Variants in MAP3K4 observed in about 807,000 individuals in gnomAD.
MAP3K4 encodes the protein mitogen-activated protein kinase kinase kinase 4.
Under a neutral mutation model 185.6 loss-of-function variants are expected in MAP3K4, and 67 were observed. That is an observed-to-expected ratio of 0.36 (90% confidence interval 0.30 to 0.44). The LOEUF is 0.44. MAP3K4 is among the 20% of genes least tolerant of loss of function. MAP3K4 has a pLI of 1.00. For synonymous variants in MAP3K4, 702 were observed against 710.4 expected, an observed-to-expected ratio of 0.99 and a Z score of 0.19; for missense variants, 1,551 against 1,995.1, an observed-to-expected ratio of 0.78 and a Z score of 4.24.
At position 161,102,722 on chromosome 6, in the gene MAP3K4, T is replaced by A; in HGVS notation, c.3799T>A (p.Ser1267Thr). The change falls in exon 19 of 27, where the codon TCA becomes ACA. Residue 1267 changes from serine (S) to threonine (T), a missense_variant. This residue lies in a region of MAP3K4 where 272 missense variants were observed against 301.2 expected (regional missense o/e 0.90). Transcript: ENST00000392142. ...RDEPAYPRGD[S>T]SGSTRRSWEL... The stretch of plus-strand genomic sequence containing the variant: ...AGAACCAGCATATCCAAGAGGAGAT[T>A]CAAGTGGGTCCACAAGAAGAAGTTG... 1 of 1,596,800 alleles carries A rather than the reference T, an allele frequency of 6.3e-7. No individual in the cohort carries two copies. Among genetic ancestry groups the A allele is most frequent in the Non-Finnish European group, 8.5e-7 (1 of 1,174,912 alleles).
At chr6:161,012,589 A>G (rs1025303456) in intron 1 of MAP3K4, among the ~76,000 whole-genome samples, 2 of 152,208 alleles carry the variant, frequency 1.3e-5, no homozygotes, top group African/African-American at 4.8e-5. Flanking sequence ...CTTATAAAAT[A>G]CATATGCATT....
rs78865071 is a variant in MAP3K4, at chr6:161,042,173, C to T, written c.344-6443C>T. 3.2e-3 allele frequency among the ~76,000 whole-genome samples: 489 copies of T among 152,100 alleles called. 4 individuals are homozygous for T. The highest frequency in any genetic ancestry group is 0.011 in the African/African-American group (469 of 41,496). On this transcript the variant is annotated intron_variant, in intron 2 of 26. Transcript: ENST00000392142. Reference sequence around the variant, plus strand: ...GGACTTGAATTATATCTACACAGTCCCTTCTTAGCAGCAGGATGTTAGTGT... The same window carrying T: ...GGACTTGAATTATATCTACACAGTCTCTTCTTAGCAGCAGGATGTTAGTGT...
In MAP3K4 at chr6:161,063,241, A is replaced by T. The variant is rs1399855027; in HGVS notation, c.1708-7367A>T. On this transcript the variant is annotated intron_variant, in intron 3 of 26. Coordinates refer to ENST00000392142, the MANE Select transcript of MAP3K4 (RefSeq NM_005922.4). This position sits in a 1 kb window ranked among gnomAD's most constrained non-coding sequence, Gnocchi z 5.4. ...ATTCTAATTTTTGTCATTATTTTAT[A>T]TTTTTTATGATTTTCTTAATTTCTT... is the stretch of plus-strand genomic sequence containing the variant. 2.0e-5 allele frequency among the ~76,000 whole-genome samples: 3 copies of T among 151,790 alleles called. No individual in the cohort carries two copies. The highest frequency in any genetic ancestry group is 1.3e-4 in the Admixed American group (2 of 15,262).
intron 1 of MAP3K4, among the ~76,000 whole-genome samples, chr6:161,025,405 A>G (rs1782598227): frequency 6.6e-6 from 1 of 151,824 alleles, no homozygotes; most frequent in Admixed American, 6.6e-5. Flanking sequence ...TGCCTTCCCT[A>G]CTCTAGTGTC....
chr6:161,053,413 C>T lies in MAP3K4; in HGVS notation c.1707+3434C>T, dbSNP rs1480122630. 6.6e-6 allele frequency among the ~76,000 whole-genome samples: 1 copy of T among 152,190 alleles called. No individual in the cohort carries two copies. Among genetic ancestry groups the T allele is most frequent in the African/African-American group, 2.4e-5 (1 of 41,442 alleles). ...ATGGTAAAATGCTCTACAAATCAAC[C>T]ATAAACTTTTAGAAGTTTTATTACT... On this transcript the variant is annotated intron_variant, in intron 3 of 26. Coordinates refer to ENST00000392142, the MANE Select transcript of MAP3K4 (RefSeq NM_005922.4). This position sits in a 1 kb window ranked among gnomAD's most constrained non-coding sequence, Gnocchi z 4.2.
rs1370715032 is a variant in MAP3K4 at position 161,075,745 on chromosome 6, T to C, written c.2097+2133T>C. Among the ~76,000 whole-genome samples the C allele has an allele frequency of 6.6e-6, 1 of 152,184 alleles. No homozygotes were observed. Among genetic ancestry groups the C allele is most frequent in the African/African-American group, 2.4e-5 (1 of 41,430 alleles). On this transcript the variant is annotated intron_variant, in intron 5 of 26. Transcript: ENST00000392142. This position sits in a 1 kb window ranked among gnomAD's most constrained non-coding sequence, Gnocchi z 4.3. Reference sequence around the variant, plus strand: ...TCTAGGCTAAGTGACTTACCAACATTCACAGCTGGTTAGTTTTAGAAAGGC... The same window carrying C: ...TCTAGGCTAAGTGACTTACCAACATCCACAGCTGGTTAGTTTTAGAAAGGC...
At chr6:161,055,536 T>C (rs1176876982) in intron 3 of MAP3K4, among the ~76,000 whole-genome samples, 2 of 152,358 alleles carry the variant, frequency 1.3e-5, no homozygotes, top group African/African-American at 2.4e-5. Context: ...TATATTAACA[T>C]TGATACAAAG....
In MAP3K4 at chr6:161,116,038, C is replaced by G. The variant is rs1180653913; in HGVS notation, c.4806+736C>G. ...AGCCAAGGGGTTGGGAGAGGGCGTT[C>G]CGGGTGAGTGAACAGCGGCATTTAA... On this transcript the variant is annotated intron_variant, in intron 26 of 26. Transcript: ENST00000392142. This position sits in a 1 kb window ranked among gnomAD's most constrained non-coding sequence, Gnocchi z 6.2. Among the ~76,000 whole-genome samples the G allele has an allele frequency of 6.6e-6, 1 of 152,054 alleles. No individual in the cohort carries two copies. The highest frequency in any genetic ancestry group is 1.5e-5 in the Non-Finnish European group (1 of 68,010).
Position 161,091,190 on chromosome 6 carries a change from TC to T in MAP3K4, c.2974-188del, listed in dbSNP as rs1179387997. 6.6e-6 allele frequency among the ~76,000 whole-genome samples: 1 copy of T among 152,240 alleles called. No individual in the cohort carries two copies. Among genetic ancestry groups the T allele is most frequent in the Non-Finnish European group, 1.5e-5 (1 of 68,044 alleles). ...CTGTATCATTTTAAATGCATTTTTT[TC>T]TCTTCTATTTAAGAATGCCAAATAA... On this transcript the variant is annotated intron_variant, in intron 11 of 26. Coordinates refer to ENST00000392142, the MANE Select transcript of MAP3K4 (RefSeq NM_005922.4). The surrounding 1 kb of genome is among the most constrained non-coding windows in gnomAD (Gnocchi z 5.5).
At chr6:161,044,739 C>T (rs1040647587) in intron 2 of MAP3K4, among the ~76,000 whole-genome samples, 5 of 152,134 alleles carry the variant, frequency 3.3e-5, no homozygotes, top group Admixed American at 2.0e-4. Context: ...GCTATACAAG[C>T]GTGGCACCAA....
Position 161,000,467 on chromosome 6 carries a change from G to T in MAP3K4, c.152+8384G>T, listed in dbSNP as rs1781215692. ...AAGGCAAGAGTAAGAATGTATCTATGCTTGTCTCTCAAGGTTGTTCTCTTG... is the reference window on the plus strand; with the variant it reads ...AAGGCAAGAGTAAGAATGTATCTATTCTTGTCTCTCAAGGTTGTTCTCTTG... On this transcript the variant is annotated intron_variant, in intron 1 of 26. Coordinates refer to ENST00000392142, the MANE Select transcript of MAP3K4 (RefSeq NM_005922.4). 2.0e-5 allele frequency among the ~76,000 whole-genome samples: 3 copies of T among 152,172 alleles called. No homozygotes were observed. In the South Asian group the frequency reaches 6.2e-4, roughly 32 times the overall value.
rs1244259333 is a variant in MAP3K4, at chr6:161,061,563, G to C, written c.1708-9045G>C. ...CAACCATCCTCACTGTGTAACTTTGGAACATTTTCATTGCCCCTAAAAGAA... is the reference window on the plus strand; with the variant it reads ...CAACCATCCTCACTGTGTAACTTTGCAACATTTTCATTGCCCCTAAAAGAA... On this transcript the variant is annotated intron_variant, in intron 3 of 26. Coordinates refer to ENST00000392142, the MANE Select transcript of MAP3K4 (RefSeq NM_005922.4). The surrounding 1 kb of genome is among the most constrained non-coding windows in gnomAD (Gnocchi z 4.2). 6.6e-6 allele frequency among the ~76,000 whole-genome samples: 1 copy of C among 152,154 alleles called. No individual in the cohort carries two copies.
rs866901963 is a variant in MAP3K4, at chr6:161,087,257, C to G, written c.2557-431C>G. 2.0e-5 allele frequency among the ~76,000 whole-genome samples: 3 copies of G among 152,180 alleles called. No homozygotes were observed. The highest frequency in any genetic ancestry group is 4.4e-5 in the Non-Finnish European group (3 of 68,040). On this transcript the variant is annotated intron_variant, in intron 9 of 26. Coordinates refer to ENST00000392142, the MANE Select transcript of MAP3K4 (RefSeq NM_005922.4). This position sits in a 1 kb window ranked among gnomAD's most constrained non-coding sequence, Gnocchi z 4.9. ...CCTTTGAGAAACTGATCTCAAGGAGCCTTCTTGTGATGAACCCCTGGCTCC... is the reference window on the plus strand; with the variant it reads ...CCTTTGAGAAACTGATCTCAAGGAGGCTTCTTGTGATGAACCCCTGGCTCC...
rs942576575 is a variant in MAP3K4 at position 161,043,710 on chromosome 6, G to A, written c.344-4906G>A. Among the ~76,000 whole-genome samples, 1 of 152,206 alleles carries A rather than the reference G, an allele frequency of 6.6e-6. No homozygotes were observed. The highest frequency in any genetic ancestry group is 1.5e-5 in the Non-Finnish European group (1 of 68,034). On this transcript the variant is annotated intron_variant, in intron 2 of 26. Transcript: ENST00000392142. This position sits in a 1 kb window ranked among gnomAD's most constrained non-coding sequence, Gnocchi z 4.3. Reference sequence around the variant, plus strand: ...GAGATACGTGCACTTTAGCAGGAACGCAGTGATTTCGAACATACACTGAAA... The same window carrying A: ...GAGATACGTGCACTTTAGCAGGAACACAGTGATTTCGAACATACACTGAAA...
intron 1 of MAP3K4, among the ~76,000 whole-genome samples, chr6:161,004,838 C>T (rs1434055423): frequency 6.6e-6 from 1 of 152,092 alleles, no homozygotes; most frequent in East Asian, 1.9e-4. Flanking sequence ...CATAGTAAAA[C>T]AGAGAATCTT....
intron 3 of MAP3K4, among the ~76,000 whole-genome samples, chr6:161,055,040 A>C (rs999011908): frequency 6.6e-6 from 1 of 152,106 alleles, no homozygotes; most frequent in Non-Finnish European, 1.5e-5. Flanking sequence ...CTGTAATACC[A>C]GTTCTTCTAG....
intron 2 of MAP3K4, among the ~76,000 whole-genome samples, chr6:161,044,274 A>T (rs1783619825): frequency 6.6e-6 from 1 of 152,216 alleles, no homozygotes; most frequent in Admixed American, 6.5e-5. Context: ...AACTTGCCAA[A>T]TAAAACATTC....
Position 161,116,613 on chromosome 6 carries a change from G to T in MAP3K4, c.4807-237G>T, listed in dbSNP as rs147290205. Among the ~76,000 whole-genome samples, 28 of 152,282 alleles carry T rather than the reference G, an allele frequency of 1.8e-4. No homozygotes were observed. The highest frequency in any genetic ancestry group is 3.4e-3 in the Middle Eastern group (1 of 294). On this transcript the variant is annotated intron_variant, in intron 26 of 26. Coordinates refer to ENST00000392142, the MANE Select transcript of MAP3K4 (RefSeq NM_005922.4). This position sits in a 1 kb window ranked among gnomAD's most constrained non-coding sequence, Gnocchi z 6.2. ...TAACAATTTATATTGACCTGAGAGT[G>T]CATATAGGCGTTTTAGAAAATGCTT... is the stretch of plus-strand genomic sequence containing the variant.
rs1488473355 is a variant in MAP3K4, at chr6:161,114,621, C to G, written c.4627-502C>G. Among the ~76,000 whole-genome samples, 3 of 152,206 alleles carry G rather than the reference C, an allele frequency of 2.0e-5. No individual in the cohort carries two copies. The East Asian group carries it at 5.8e-4, about 29-fold the overall frequency. On this transcript the variant is annotated intron_variant, in intron 25 of 26. Transcript: ENST00000392142. This position sits in a 1 kb window ranked among gnomAD's most constrained non-coding sequence, Gnocchi z 4.3. ...TTTAGAAATTAGAATGCCATACACA[C>G]TTAGTTCCTTCCCCTGTGAATCTCA... is the stretch of plus-strand genomic sequence containing the variant.
Sources: gnomAD v4.1 joint callset for allele counts (sites outside exome capture counted in the v4.1 genomes callset) on GRCh38, gnomAD v4.1.1 for gene constraint, gnomAD v4.1.1 regional missense constraint, Gnocchi (gnomAD v3.1) non-coding constraint, MANE v1.5 for transcripts, NCBI Gene and HGNC (gene_info 2026-07-23, HGNC 2026-07-21) for gene names.